SLC6A19: variants seen among roughly 807,000 people sequenced by gnomAD.
SLC6A19 encodes the protein sodium-dependent neutral amino acid transporter B(0)AT1.
In SLC6A19, 67 loss-of-function variants were observed where a neutral mutation model predicts 68.3. The ratio of observed to expected loss-of-function variants is 0.98; its 90% confidence interval spans 0.81 to 1.20. The LOEUF is 1.20. SLC6A19 is among the 50% of genes most tolerant of loss of function. The pLI is 0.00. For synonymous variants in SLC6A19, 392 were observed against 374.9 expected, an observed-to-expected ratio of 1.05 and a Z score of -0.53; for missense variants, 813 against 851.6, an observed-to-expected ratio of 0.95 and a Z score of 0.56.
intron 10 of SLC6A19, among the ~76,000 whole-genome samples, chr5:1,220,803 T>G (rs1332273036): frequency 6.6e-6 from 1 of 152,204 alleles, no homozygotes; most frequent in African/African-American, 2.4e-5. Flanking sequence ...TTCAGGGTGC[T>G]GCTAAGGAAG....
Position 1,205,279 on chromosome 5 carries a change from G to A in SLC6A19, c.202+3427G>A, listed in dbSNP as rs528662116. 3.3e-5 allele frequency among the ~76,000 whole-genome samples: 5 copies of A among 152,334 alleles called. No individual in the cohort carries two copies. In the South Asian group the frequency reaches 6.2e-4, roughly 19 times the overall value. ...CCCCACACTAGGAAGAAGTCGCTGCGTTTAAAAGACAAATATTCATATTCT... is the reference window on the plus strand; with the variant it reads ...CCCCACACTAGGAAGAAGTCGCTGCATTTAAAAGACAAATATTCATATTCT... On this transcript the variant is annotated intron_variant, in intron 1 of 11. Coordinates refer to ENST00000304460, the MANE Select transcript of SLC6A19 (RefSeq NM_001003841.3).
At position 1,216,947 on chromosome 5, in the gene SLC6A19, T is replaced by G. The variant is rs142979576; in HGVS notation, c.1173+2T>G. 2.7e-4 allele frequency: 431 copies of G among 1,612,406 alleles called. No individual in the cohort carries two copies. The highest frequency in any genetic ancestry group is 3.0e-4 in the Non-Finnish European group (357 of 1,179,984). ...GACATCAACGCCTTCCTCTCAGAGG[T>G]AGGTCCATTCCGGAGCTCGAGGCAG... On this transcript the variant is annotated splice_donor_variant, in intron 8 of 11. Transcript: ENST00000304460. LOFTEE classifies it high-confidence loss of function.
chr5:1,222,251 T>C lies in SLC6A19; in HGVS notation c.*347T>C. The stretch of plus-strand genomic sequence containing the variant: ...GTGCAAGTGTGCATGCATATACATG[T>C]GTGCGATATTTGCTGCCCGTGTGTG... On this transcript the variant is annotated 3_prime_UTR_variant, in exon 12 of 12. Coordinates refer to ENST00000304460, the MANE Select transcript of SLC6A19 (RefSeq NM_001003841.3). 1 of 568,658 alleles carries C rather than the reference T, an allele frequency of 1.8e-6. No individual in the cohort carries two copies. Among genetic ancestry groups the C allele is most frequent in the Non-Finnish European group, 3.1e-6 (1 of 321,754 alleles). The allele number at this position is 568,658 out of a possible 1,614,324, so 35.2% of individuals were successfully genotyped here.
In SLC6A19 at chr5:1,209,748, C is replaced by T. The variant is rs1745970720; in HGVS notation, c.344-696C>T. ...TTTTTCTTTCCCCCTCCTATTCTCT[C>T]TGTCTCTTCCCTCTTCTCTCTCTTC... is the stretch of plus-strand genomic sequence containing the variant. On this transcript the variant is annotated intron_variant, in intron 2 of 11. Coordinates refer to ENST00000304460, the MANE Select transcript of SLC6A19 (RefSeq NM_001003841.3). This position sits in a 1 kb window ranked among gnomAD's most constrained non-coding sequence, Gnocchi z 5.5. Among the ~76,000 whole-genome samples, 6 of 151,488 alleles carry T rather than the reference C, an allele frequency of 4.0e-5. No individual in the cohort carries two copies. The South Asian group carries it at 1.3e-3, about 32-fold the overall frequency.
At chr5:1,217,959 C>T (rs560620578) in intron 8 of SLC6A19, among the ~76,000 whole-genome samples, 83 of 152,278 alleles carry the variant, frequency 5.5e-4, no homozygotes, top group African/African-American at 1.9e-3. Flanking sequence ...GGGCTGCCCT[C>T]GGCAGTGCCA....
In SLC6A19 at chr5:1,222,758, G is replaced by C. The variant is rs942791898; in HGVS notation, c.*854G>C. ...GTACACGTCGCTGGGACACATGCCT[G>C]CCACTCGGGGCCCAGCTGCCCTCTG... On this transcript the variant is annotated 3_prime_UTR_variant, in exon 12 of 12. Coordinates refer to ENST00000304460, the MANE Select transcript of SLC6A19 (RefSeq NM_001003841.3). 7.1e-5 allele frequency: 11 copies of C among 153,874 alleles called. No homozygotes were observed. Among genetic ancestry groups the C allele is most frequent in the Non-Finnish European group, 1.3e-4 (9 of 69,194 alleles). 9.5% of individuals were successfully genotyped at this position (153,874 alleles called of 1,614,324 possible). A position where few individuals can be genotyped will look rare whatever the true frequency, so the allele number is the denominator to read the frequency against.
chr5:1,206,915 G>C (rs1405248818), intron 1 of SLC6A19, among the ~76,000 whole-genome samples: 8 of 152,206 alleles, frequency 5.3e-5, no homozygotes, highest in Non-Finnish European at 7.3e-5. Context: ...AGCCACAGCT[G>C]TGTTTGGAAT....
intron 1 of SLC6A19, among the ~76,000 whole-genome samples, chr5:1,206,928 T>G (rs994942559): frequency 3.9e-5 from 6 of 152,202 alleles, no homozygotes; most frequent in Non-Finnish European, 8.8e-5. Flanking sequence ...TTTGGAATTC[T>G]TGCGCCGTTG....
chr5:1,211,528 G>A (rs1561164449), intron 3 of SLC6A19, among the ~76,000 whole-genome samples: 1 of 152,256 alleles, frequency 6.6e-6, no homozygotes, highest in Non-Finnish European at 1.5e-5. Flanking sequence ...CAGTGCACCT[G>A]TGTAGGAATG....
rs1745922054 is a variant in SLC6A19, at chr5:1,208,598, T to C, written c.203-148T>C. On this transcript the variant is annotated intron_variant, in intron 1 of 11. Coordinates refer to ENST00000304460, the MANE Select transcript of SLC6A19 (RefSeq NM_001003841.3). ...GGAGTCAGCTCTGGCCCTGATCCCA[T>C]GGACTGGCTGCTCCATCTCAGCTCT... 8 of 1,057,804 alleles carry C rather than the reference T, an allele frequency of 7.6e-6. No individual in the cohort carries two copies. In the East Asian group the frequency reaches 1.7e-4, roughly 22 times the overall value. The allele number at this position is 1,057,804 out of a possible 1,614,324, so 65.5% of individuals were successfully genotyped here.
intron 6 of SLC6A19, 70 bp from the exon 7 acceptor site, chr5:1,216,488 A>G: frequency 5.6e-6 from 9 of 1,609,306 alleles, no homozygotes; most frequent in Non-Finnish European, 7.6e-6. Flanking sequence ...CGGGATGCGG[A>G]TGCTGCCCTG....
chr5:1,221,180 G>A lies in SLC6A19; in HGVS notation c.1568G>A (p.Gly523Asp). The change falls in exon 11 of 12, where the codon GGC becomes GAC. Residue 523 changes from glycine (G) to aspartate (D), a missense_variant. Transcript: ENST00000304460. The part of the protein sequence containing the change: ...RFNKDIEFMI[G>D]HKPNIFWQVT... ...AATAAGGACATCGAGTTCATGATCG[G>A]CCACAAGCCCAACATCTTCTGGCAA... is the stretch of plus-strand genomic sequence containing the variant. 1 of 1,613,990 alleles carries A rather than the reference G, an allele frequency of 6.2e-7. No homozygotes were observed. Among genetic ancestry groups the A allele is most frequent in the Non-Finnish European group, 8.5e-7 (1 of 1,179,966 alleles).
rs551617040 is a variant in SLC6A19 at position 1,210,554 on chromosome 5, G to A, written c.454G>A (p.Asp152Asn). The change falls in exon 3 of 12, where the codon GAC (aspartate) becomes AAC (asparagine). Residue 152 changes from aspartate to asparagine, a missense_variant. Physicochemically the swap from Asp to Asn is conservative, Grantham distance 23. Transcript: ENST00000304460. ...CTTCCAGGAGCCTCTGCCCTGGAGCGACTGCCCGCTCAACGAGAACCAGAC... is the reference window on the plus strand; with the variant it reads ...CTTCCAGGAGCCTCTGCCCTGGAGCAACTGCCCGCTCAACGAGAACCAGAC... The part of the protein sequence containing the change: ...NSFQEPLPWS[D>N]CPLNENQTGY... 6.8e-6 allele frequency: 11 copies of A among 1,613,106 alleles called. No individual in the cohort carries two copies. The highest frequency in any genetic ancestry group is 1.7e-5 in the Admixed American group (1 of 60,026).
intron 1 of SLC6A19, among the ~76,000 whole-genome samples, chr5:1,205,142 A>G (rs1321858729): frequency 6.6e-6 from 1 of 152,162 alleles, no homozygotes; most frequent in Admixed American, 6.5e-5. Context: ...CCTGGTTTCC[A>G]GGGACCTTTG....
intron 10 of SLC6A19, 22 bp downstream of exon 10, chr5:1,219,686 G>T: frequency 1.2e-6 from 2 of 1,601,578 alleles, no homozygotes; most frequent in South Asian, 2.2e-5. Context: ...GGTGGGGACA[G>T]GTGCCTCTAA....
intron 5 of SLC6A19, 61 bp downstream of exon 5, chr5:1,213,634 C>A (rs1414537812): frequency 1.3e-6 from 2 of 1,485,100 alleles, no homozygotes; most frequent in East Asian, 2.3e-5. Flanking sequence ...CCCTGTGCCC[C>A]CGCCAGCCTC....
intron 1 of SLC6A19, among the ~76,000 whole-genome samples, chr5:1,205,889 G>A (rs1461304195): frequency 6.6e-6 from 1 of 152,234 alleles, no homozygotes; most frequent in Non-Finnish European, 1.5e-5. Context: ...CCGCTGGTGA[G>A]CATCTCCTGC....
At chr5:1,218,831 G>C in intron 8 of SLC6A19, 72 bp from the exon 9 acceptor site, 1 of 1,552,254 alleles carries the variant, frequency 6.4e-7, no homozygotes, top group Middle Eastern at 2.0e-4. Flanking sequence ...GGCGACGCAC[G>C]AGACCTCGGG....
At position 1,214,059 on chromosome 5, in the gene SLC6A19, CTG is replaced by C. The variant is rs778611489; in HGVS notation, c.884_885del (p.Val295AlafsTer57). ...CTCATCTCCTTCTCCAGCTACAACT[CTG>C]TGCAGTGAGTGCGGGTGTGGTGGGC... On this transcript the variant is annotated frameshift_variant, in exon 6 of 12. Coordinates refer to ENST00000304460, the MANE Select transcript of SLC6A19 (RefSeq NM_001003841.3). LOFTEE classifies it high-confidence loss of function. This position sits in a 1 kb window ranked among gnomAD's most constrained non-coding sequence, Gnocchi z 7.4. The C allele has an allele frequency of 1.9e-6, 3 of 1,613,752 alleles. No individual in the cohort carries two copies. Among genetic ancestry groups the C allele is most frequent in the East Asian group, 2.2e-5 (1 of 44,902 alleles).
Sources: gnomAD v4.1 joint callset for allele counts (sites outside exome capture counted in the v4.1 genomes callset) on GRCh38, gnomAD v4.1.1 for gene constraint, Gnocchi (gnomAD v3.1) non-coding constraint, MANE v1.5 for transcripts, NCBI Gene and HGNC (gene_info 2026-07-23, HGNC 2026-07-21) for gene names.